Variants in RBL1 observed in about 807,000 individuals in gnomAD.
RBL1 encodes RB transcriptional corepressor like 1.
RBL1 carries 82 observed loss-of-function variants against 123.0 expected under a neutral mutation model. The observed-to-expected ratio is 0.67, with a 90% CI of 0.56 to 0.80. The LOEUF (loss-of-function observed/expected upper bound fraction) is 0.80, where lower values mean the gene tolerates loss of function less well. RBL1 is among the 30% of genes least tolerant of loss of function. RBL1 has a pLI of 0.00. For missense variants in RBL1, 1,171 were observed against 1,299.6 expected (o/e 0.90, Z 1.52); for synonymous variants, 405 against 441.3 (o/e 0.92, Z 1.03).
chr20:36,996,998 A>G lies in RBL1; in HGVS notation c.*1761T>C, dbSNP rs1283672077. On this transcript the variant is annotated 3_prime_UTR_variant, in exon 22 of 22. Transcript: ENST00000373664. ...GAGAATACTAATTAGTGACGGCCAAATCTTAGACTATTTTAAATTAGCCAT... is the reference window on the plus strand; with the variant it reads ...GAGAATACTAATTAGTGACGGCCAAGTCTTAGACTATTTTAAATTAGCCAT... 6.6e-6 allele frequency: 1 copy of G among 152,216 alleles called. No homozygotes were observed. The highest frequency in any genetic ancestry group is 1.5e-5 in the Non-Finnish European group (1 of 68,034). 9.4% of individuals were successfully genotyped at this position (152,216 alleles called of 1,614,324 possible). A position where few individuals can be genotyped will look rare whatever the true frequency, so the allele number is the denominator to read the frequency against.
At chr20:37,022,154 C>A (rs2064350913) in intron 17 of RBL1, among the ~76,000 whole-genome samples, 1 of 152,056 alleles carries the variant, frequency 6.6e-6, no homozygotes, top group Non-Finnish European at 1.5e-5. Flanking sequence ...GCTAGGACTG[C>A]CAGTGTGGCC....
chr20:37,095,724 T>C, intron 1 of RBL1, 49 bp downstream of exon 1: 7 of 1,471,524 alleles, frequency 4.8e-6, no homozygotes, highest in Middle Eastern at 2.5e-4. Context: ...GGGGCAGGGG[T>C]GGGGCCTGGC....
intron 11 of RBL1, among the ~76,000 whole-genome samples, chr20:37,051,354 A>AT (rs2146278430): frequency 6.6e-6 from 1 of 152,028 alleles, no homozygotes; most frequent in Admixed American, 6.6e-5. Context: ...ATAATTTGGT[A>AT]TTTTTTAGTA....
chr20:37,035,519 A>C lies in RBL1; in HGVS notation c.1904-11T>G. ...ACAATGGTTGCATATCTAAAAAAAA[A>C]TAATAAATTTAAAACAGAAATGTAT... On this transcript the variant is annotated splice_polypyrimidine_tract_variant and intron_variant, in intron 14 of 21. Coordinates refer to ENST00000373664, the MANE Select transcript of RBL1 (RefSeq NM_002895.5). 6.5e-7 allele frequency: 1 copy of C among 1,532,580 alleles called. No homozygotes were observed. The highest frequency in any genetic ancestry group is 8.8e-7 in the Non-Finnish European group (1 of 1,140,532). 94.9% of individuals were successfully genotyped at this position (1,532,580 alleles called of 1,614,324 possible).
intron 2 of RBL1, among the ~76,000 whole-genome samples, chr20:37,074,863 A>T (rs567716711): frequency 6.6e-6 from 1 of 152,326 alleles, no homozygotes; most frequent in Non-Finnish European, 1.5e-5. Context: ...ATGACTCAGC[A>T]ATTCCACTCC....
At chr20:37,077,540 C>T (rs1280892282) in intron 2 of RBL1, among the ~76,000 whole-genome samples, 1 of 152,130 alleles carries the variant, frequency 6.6e-6, no homozygotes, top group Non-Finnish European at 1.5e-5. Context: ...CAGCTCTTCC[C>T]TCAAGATGAA....
chr20:37,092,642 G>A (rs1330180946), intron 1 of RBL1, among the ~76,000 whole-genome samples: 3 of 152,012 alleles, frequency 2.0e-5, no homozygotes, highest in African/African-American at 7.2e-5. Context: ...TAACAGGTGT[G>A]AGCCACCATG....
chr20:37,090,366 C>T (rs187791076), intron 1 of RBL1, among the ~76,000 whole-genome samples: 38 of 152,252 alleles, frequency 2.5e-4, no homozygotes, highest in African/African-American at 8.4e-4. Context: ...GTCTGAATTA[C>T]CAGAAGAGTT....
At chr20:37,019,848 C>T (rs1297685840) in intron 18 of RBL1, among the ~76,000 whole-genome samples, 1 of 152,100 alleles carries the variant, frequency 6.6e-6, no homozygotes, top group African/African-American at 2.4e-5. Flanking sequence ...TCATTAAATG[C>T]TTATTGTGTG....
intron 15 of RBL1, among the ~76,000 whole-genome samples, chr20:37,033,961 CA>C (rs1259067525): frequency 3.7e-4 from 52 of 139,006 alleles, no homozygotes; most frequent in Non-Finnish European, 6.3e-4. Context: ...TTTTTTTTGA[CA>C]ATGTCTTGCT....
intron 19 of RBL1, among the ~76,000 whole-genome samples, chr20:37,009,720 CTA>C (rs1663569641): frequency 6.6e-6 from 1 of 152,042 alleles, no homozygotes; most frequent in Non-Finnish European, 1.5e-5. Flanking sequence ...TATAGTGTCT[CTA>C]TATTTCTGTG....
At chr20:37,000,910 C>A (rs2063965017) in intron 21 of RBL1, among the ~76,000 whole-genome samples, 2 of 144,530 alleles carry the variant, frequency 1.4e-5, no homozygotes, top group African/African-American at 2.6e-5. Context: ...GGGGTCAGCC[C>A]CCCGCCCGGC....
chr20:37,019,702 T>C (rs1600475020), intron 18 of RBL1, among the ~76,000 whole-genome samples: 2 of 152,290 alleles, frequency 1.3e-5, no homozygotes, highest in Admixed American at 1.3e-4. Context: ...TCTTTCTGTC[T>C]ACAATTTCCA....
chr20:37,083,628 T>TAAA (rs2065491236), intron 2 of RBL1, among the ~76,000 whole-genome samples: 3 of 14,214 alleles, frequency 2.1e-4, no homozygotes, highest in African/African-American at 5.5e-4. Context: ...CTACTAAAAA[T>TAAA]ACAAAAAAAA....
chr20:37,013,653 G>C (rs1303701345), intron 19 of RBL1, among the ~76,000 whole-genome samples: 1 of 151,780 alleles, frequency 6.6e-6, no homozygotes, highest in Non-Finnish European at 1.5e-5. Flanking sequence ...AAGATCCAGT[G>C]AAGTCTCTCA....
intron 2 of RBL1, among the ~76,000 whole-genome samples, chr20:37,074,815 ACT>A (rs1005438832): frequency 2.6e-5 from 4 of 152,056 alleles, no homozygotes; most frequent in Non-Finnish European, 5.9e-5. Flanking sequence ...ACAGAGTGAG[ACT>A]CTGTCTCAAA....
intron 19 of RBL1, 73 bp from the exon 20 acceptor site, chr20:37,007,632 AC>A: frequency 6.7e-7 from 1 of 1,490,590 alleles, no homozygotes; most frequent in Non-Finnish European, 9.1e-7. Flanking sequence ...TCACTTTGTC[AC>A]CCAGGGTGGA....
intron 2 of RBL1, among the ~76,000 whole-genome samples, chr20:37,068,905 G>A (rs1281023837): frequency 5.9e-5 from 9 of 152,254 alleles, no homozygotes; most frequent in Non-Finnish European, 8.8e-5. Flanking sequence ...CTGAGCCGAA[G>A]CTGGACTGTA....
chr20:37,076,380 GTC>G (rs781028550), intron 2 of RBL1, among the ~76,000 whole-genome samples: 3 of 152,230 alleles, frequency 2.0e-5, no homozygotes, highest in African/African-American at 4.8e-5. Context: ...TGTGAATGTG[GTC>G]TCTCTCTCTT....
Sources: allele counts gnomAD v4.1 joint callset (sites outside exome capture counted in the v4.1 genomes callset), GRCh38; gene constraint gnomAD v4.1.1; transcripts MANE v1.5; gene names NCBI Gene and HGNC (gene_info 2026-07-23, HGNC 2026-07-21).